PKD2L2: variants seen among roughly 807,000 people sequenced by gnomAD.
PKD2L2 encodes polycystin 2 like 2, transient receptor potential cation channel.
A neutral mutation model predicts 83.9 loss-of-function variants in PKD2L2; 67 were observed. The observed-to-expected ratio is 0.80, with a 90% CI of 0.66 to 0.98. The LOEUF is 0.98. PKD2L2 is among the 50% of genes least tolerant of loss of function. PKD2L2 has a pLI of 0.00. For synonymous variants in PKD2L2, 223 were observed against 237.8 expected (o/e 0.94, Z 0.57); for missense variants, 632 against 717.2 (o/e 0.88, Z 1.36).
intron 1 of PKD2L2, chr5:137,890,225 G>A: frequency 3.5e-6 from 1 of 287,796 alleles, no homozygotes; most frequent in South Asian, 6.8e-5. Context: ...GGAGGCTGCA[G>A]TGAGACGAGA....
At chr5:137,925,952 A>G (rs1759344048) in intron 12 of PKD2L2, 23 bp downstream of exon 12, 3 of 1,415,906 alleles carry the variant, frequency 2.1e-6, no homozygotes, top group South Asian at 2.4e-5. Flanking sequence ...TTTTTTTCAT[A>G]AACACTAGTG....
At position 137,942,714 on chromosome 5, in the gene PKD2L2, A is replaced by C. The variant is rs1762217611; in HGVS notation, c.*348A>C. On this transcript the variant is annotated 3_prime_UTR_variant, in exon 15 of 15. Coordinates refer to ENST00000508883, the MANE Select transcript of PKD2L2 (RefSeq NM_001300921.2). The stretch of plus-strand genomic sequence containing the variant: ...AGTAATGTTTTATTTAAAAATGGGA[A>C]TGACAATAAATATTTGCAAATCACA... The C allele has an allele frequency of 5.0e-6, 3 of 594,498 alleles. No individual in the cohort carries two copies. The highest frequency in any genetic ancestry group is 8.3e-6 in the Non-Finnish European group (3 of 363,116). 36.8% of individuals were successfully genotyped at this position (594,498 alleles called of 1,614,324 possible).
intron 4 of PKD2L2, among the ~76,000 whole-genome samples, chr5:137,897,277 G>C (rs1015029321): frequency 6.6e-6 from 1 of 151,662 alleles, no homozygotes; most frequent in Admixed American, 6.6e-5. Context: ...GGCTGGTCTC[G>C]AACTCCTGGG....
chr5:137,936,273 G>T, intron 13 of PKD2L2, 47 bp from the exon 14 acceptor site: 1 of 1,483,930 alleles, frequency 6.7e-7, no homozygotes, highest in Admixed American at 2.0e-5. Context: ...GTCTATACAT[G>T]AAAGTTTATT....
intron 5 of PKD2L2, among the ~76,000 whole-genome samples, chr5:137,903,683 A>G (rs905552734): frequency 1.3e-5 from 2 of 152,326 alleles, no homozygotes; most frequent in African/African-American, 4.8e-5. Flanking sequence ...ATGTTCCTAA[A>G]TAAATTTTGA....
intron 8 of PKD2L2, among the ~76,000 whole-genome samples, chr5:137,916,773 G>A (rs1758395993): frequency 6.6e-6 from 1 of 152,052 alleles, no homozygotes; most frequent in Non-Finnish European, 1.5e-5. Context: ...CACTGAGCCT[G>A]GCTGCCACCT....
intron 8 of PKD2L2, 108 bp from the exon 9 acceptor site, chr5:137,921,528 C>T (rs1376781075): frequency 1.4e-5 from 10 of 694,070 alleles, no homozygotes; most frequent in Middle Eastern, 3.9e-4. Context: ...AGTCAGAAAG[C>T]ATATACCATA....
chr5:137,908,963 A>ATTAC lies in PKD2L2; in HGVS notation c.1328+17_1328+18insTTAC. The ATTAC allele has an allele frequency of 6.7e-7, 1 of 1,481,554 alleles. No individual in the cohort carries two copies. Among genetic ancestry groups the ATTAC allele is most frequent in the Non-Finnish European group, 9.3e-7 (1 of 1,075,912 alleles). 91.8% of individuals were successfully genotyped at this position (1,481,554 alleles called of 1,614,324 possible). On this transcript the variant is annotated intron_variant, in intron 8 of 14. Coordinates refer to ENST00000508883, the MANE Select transcript of PKD2L2 (RefSeq NM_001300921.2). ...GAATTCCATGTAAGCTCTTAGTATA[A>ATTAC]ATGTAATTATATCTTCTATATTTTC...
chr5:137,930,332 C>A (rs929558265), intron 12 of PKD2L2, among the ~76,000 whole-genome samples: 3 of 152,122 alleles, frequency 2.0e-5, no homozygotes, highest in Admixed American at 6.5e-5. Flanking sequence ...TGAAAAAATT[C>A]TTTGACTAAA....
intron 5 of PKD2L2, 73 bp downstream of exon 5, chr5:137,899,810 C>T: frequency 1.3e-6 from 1 of 743,166 alleles, no homozygotes; most frequent in South Asian, 1.8e-5. Flanking sequence ...GTACAGTTGA[C>T]CCTTGAACCA....
chr5:137,903,265 CTCATT>C (rs1342124176), intron 5 of PKD2L2, among the ~76,000 whole-genome samples: 1 of 152,212 alleles, frequency 6.6e-6, no homozygotes, highest in Admixed American at 6.5e-5. Context: ...AATGTACAAA[CTCATT>C]TCAAGTTTCT....
rs1456117197 is a variant in PKD2L2 at position 137,909,078 on chromosome 5, TC to T, written c.1328+133del. 6.8e-6 allele frequency: 4 copies of T among 587,054 alleles called. No individual in the cohort carries two copies. The African/African-American group carries it at 7.8e-5, about 11-fold the overall frequency. 36.4% of individuals were successfully genotyped at this position (587,054 alleles called of 1,614,324 possible). On this transcript the variant is annotated intron_variant, in intron 8 of 14. Transcript: ENST00000508883. ...TAAACTTAGTTTGATATTTTCTTTT[TC>T]TTTTTATTTTTCTGGAGACAGGGTC...
chr5:137,898,546 A>G (rs903882801), intron 4 of PKD2L2, among the ~76,000 whole-genome samples: 4 of 152,004 alleles, frequency 2.6e-5, no homozygotes, highest in African/African-American at 7.2e-5. Flanking sequence ...CAACAGATGG[A>G]TTTTTTTGTT....
rs1759098511 is a variant in PKD2L2 at position 137,923,376 on chromosome 5, A to G, written c.1450-44A>G. 3 of 942,870 alleles carry G rather than the reference A, an allele frequency of 3.2e-6. No individual in the cohort carries two copies. The East Asian group carries it at 7.6e-5, about 24-fold the overall frequency. 58.4% of individuals were successfully genotyped at this position (942,870 alleles called of 1,614,324 possible). On this transcript the variant is annotated intron_variant, in intron 9 of 14. Coordinates refer to ENST00000508883, the MANE Select transcript of PKD2L2 (RefSeq NM_001300921.2). ...AACTTGTTAAAGTCATTAACATTTA[A>G]ACTAAATTTTTATTGAAATAATTAT...
chr5:137,893,421 G>C (rs1756165815), intron 3 of PKD2L2, among the ~76,000 whole-genome samples: 1 of 152,190 alleles, frequency 6.6e-6, no homozygotes, highest in Non-Finnish European at 1.5e-5. Context: ...AGAAAGAACA[G>C]TTAAGGGGAC....
In PKD2L2 at chr5:137,908,777, A is replaced by G. The variant is rs762615376; in HGVS notation, c.1159A>G (p.Ile387Val). ...FFAWIKIFKFISFNKTMSQLS... is the reference protein window; with the variant it reads ...FFAWIKIFKFVSFNKTMSQLS... ...TGTTCTTTTTCAGATATTCAAATTC[A>G]TAAGCTTTAACAAGACAATGTCTCA... The change falls in exon 8 of 15, where the codon ATA becomes GTA. Residue 387 changes from isoleucine to valine, a missense_variant. This residue lies in a region of PKD2L2 where 399 missense variants were observed against 416.9 expected (regional missense o/e 0.96). Coordinates refer to ENST00000508883, the MANE Select transcript of PKD2L2 (RefSeq NM_001300921.2). The G allele has an allele frequency of 6.5e-7, 1 of 1,538,064 alleles. No individual in the cohort carries two copies. Among genetic ancestry groups the G allele is most frequent in the Admixed American group, 2.0e-5 (1 of 50,012 alleles).
rs376736999 is a variant in PKD2L2, at chr5:137,935,872, G to T, written c.1747G>T (p.Asp583Tyr). Residue 583 changes from aspartate (D) to tyrosine (Y), a missense_variant, in exon 13 of 15, where the codon GAT (aspartate) becomes TAT (tyrosine). By Grantham distance (160) the Asp-to-Tyr change is radical. Transcript: ENST00000508883. ...EKKYYSMEIQDDYQPVTQEEF... is the reference protein window; with the variant it reads ...EKKYYSMEIQYDYQPVTQEEF... ...AAAGTATTATTCTATGGAAATTCAA[G>T]ATGACTACCAGCCTGTCACTCAAGA... 54 of 1,605,420 alleles carry T rather than the reference G, an allele frequency of 3.4e-5. No individual in the cohort carries two copies. Among genetic ancestry groups the T allele is most frequent in the Non-Finnish European group, 3.4e-6 (4 of 1,172,256 alleles).
intron 5 of PKD2L2, among the ~76,000 whole-genome samples, chr5:137,905,187 T>C (rs1181756464): frequency 6.6e-6 from 1 of 152,224 alleles, no homozygotes; most frequent in Non-Finnish European, 1.5e-5. Flanking sequence ...TTCTGTTACC[T>C]TTTAAAATGT....
At chr5:137,937,216 T>C (rs1581011783) in intron 14 of PKD2L2, among the ~76,000 whole-genome samples, 1 of 152,338 alleles carries the variant, frequency 6.6e-6, no homozygotes, top group East Asian at 1.9e-4. Flanking sequence ...TCTTTAGAAT[T>C]TGAAGCCTTC....
Sources: gnomAD v4.1 joint callset for allele counts (sites outside exome capture counted in the v4.1 genomes callset) on GRCh38, gnomAD v4.1.1 for gene constraint, gnomAD v4.1.1 regional missense constraint, MANE v1.5 for transcripts, NCBI Gene and HGNC (gene_info 2026-07-23, HGNC 2026-07-21) for gene names.